The following SPOCK3 variants were observed in gnomAD, a reference collection of about 807,000 sequenced individuals.
The protein encoded by SPOCK3 is SPARC (osteonectin), cwcv and kazal like domains proteoglycan 3.
A neutral mutation model predicts 56.6 loss-of-function variants in SPOCK3; 30 were observed. The observed-to-expected ratio is 0.53, with a 90% CI of 0.40 to 0.72. The LOEUF is 0.72. Ranked by LOEUF, SPOCK3 falls within the 30% of genes least tolerant of loss-of-function variation. The pLI, the probability that SPOCK3 is intolerant of heterozygous loss-of-function variation, is 0.00. For missense variants in SPOCK3, 527 were observed against 530.0 expected, an observed-to-expected ratio of 0.99 and a Z score of 0.06; for synonymous variants, 196 against 183.3, an observed-to-expected ratio of 1.07 and a Z score of -0.56.
intron 3 of SPOCK3, among the ~76,000 whole-genome samples, chr4:167,002,775 GA>G (rs1176453536): frequency 5.3e-5 from 8 of 151,948 alleles, no homozygotes; most frequent in Admixed American, 3.9e-4. Flanking sequence ...CAACATAAAA[GA>G]AAAAAACACA....
At chr4:166,748,043 G>A (rs1418378398) in intron 8 of SPOCK3, among the ~76,000 whole-genome samples, 1 of 152,114 alleles carries the variant, frequency 6.6e-6, no homozygotes, top group Non-Finnish European at 1.5e-5. Context: ...TCAATACCAT[G>A]AAAATGGCCT....
chr4:166,920,848 T>A (rs1207136181), intron 4 of SPOCK3, among the ~76,000 whole-genome samples: 1 of 152,176 alleles, frequency 6.6e-6, no homozygotes, highest in Non-Finnish European at 1.5e-5. Context: ...CAGAAGCCAA[T>A]GATTTTAGCT....
In SPOCK3 at chr4:166,912,748, T is replaced by A; in HGVS notation, c.351-5A>T. ...TCTACTCCTGCTTCTTTCATCCTGTTAAAAAAATAAAGCAAGCATATTGAG... is the reference window on the plus strand; with the variant it reads ...TCTACTCCTGCTTCTTTCATCCTGTAAAAAAAATAAAGCAAGCATATTGAG... On this transcript the variant is annotated splice_polypyrimidine_tract_variant and splice_region_variant and intron_variant, in intron 4 of 10. Transcript: ENST00000357545. 8.8e-6 allele frequency: 14 copies of A among 1,589,572 alleles called. No individual in the cohort carries two copies. The highest frequency in any genetic ancestry group is 1.1e-5 in the Non-Finnish European group (13 of 1,172,448).
intron 6 of SPOCK3, among the ~76,000 whole-genome samples, chr4:166,853,961 C>G (rs944348259): frequency 6.6e-6 from 1 of 151,844 alleles, no homozygotes. Flanking sequence ...AAACAAAGCA[C>G]CATTTTCTAC....
intron 4 of SPOCK3, among the ~76,000 whole-genome samples, chr4:166,915,327 A>C (rs1737728582): frequency 6.6e-6 from 1 of 151,578 alleles, no homozygotes; most frequent in African/African-American, 2.4e-5. Flanking sequence ...AAAATAATTA[A>C]AAAAAAATGT....
intron 4 of SPOCK3, among the ~76,000 whole-genome samples, chr4:166,991,189 A>G (rs1747742322): frequency 6.6e-6 from 1 of 151,904 alleles, no homozygotes; most frequent in African/African-American, 2.4e-5. Flanking sequence ...TTAATTCACC[A>G]CTATTTTTTA....
chr4:167,090,289 T>C (rs1415132372), intron 2 of SPOCK3, among the ~76,000 whole-genome samples: 29 of 152,068 alleles, frequency 1.9e-4, no homozygotes, highest in Admixed American at 1.9e-3. Flanking sequence ...CACTTGGCAT[T>C]GTCTTTTTTT....
At chr4:166,882,275 C>A (rs185888730) in intron 6 of SPOCK3, among the ~76,000 whole-genome samples, 1 of 152,266 alleles carries the variant, frequency 6.6e-6, no homozygotes, top group East Asian at 1.9e-4. Context: ...TTCATCTTAA[C>A]ATACAGATCT....
chr4:167,217,360 T>C (rs1054671497), intron 2 of SPOCK3, among the ~76,000 whole-genome samples: 3 of 151,674 alleles, frequency 2.0e-5, no homozygotes, highest in African/African-American at 7.3e-5. Flanking sequence ...CAGATGTTTT[T>C]TTTTGTTGTT....
At chr4:167,040,336 G>A (rs1753136904) in intron 3 of SPOCK3, among the ~76,000 whole-genome samples, 3 of 152,212 alleles carry the variant, frequency 2.0e-5, no homozygotes, top group African/African-American at 4.8e-5. Flanking sequence ...GGTCCTGGAT[G>A]TACCACTTAA....
rs58965213 is a variant in SPOCK3 at position 166,787,029 on chromosome 4, T to G, written c.709+5141A>C. On this transcript the variant is annotated intron_variant, in intron 7 of 10. Transcript: ENST00000357545. Reference sequence around the variant, plus strand: ...AGATGCACCTCTTGAAGTCATTCATTAACTTTCCACTTGTATGCTAGTCTT... The same window carrying G: ...AGATGCACCTCTTGAAGTCATTCATGAACTTTCCACTTGTATGCTAGTCTT... 5.1e-3 allele frequency among the ~76,000 whole-genome samples: 778 copies of G among 152,308 alleles called. 10 individuals are homozygous for G. The highest frequency in any genetic ancestry group is 0.018 in the African/African-American group (753 of 41,580).
intron 6 of SPOCK3, among the ~76,000 whole-genome samples, chr4:166,883,698 T>A (rs1579529784): frequency 6.6e-6 from 1 of 152,160 alleles, no homozygotes; most frequent in South Asian, 2.1e-4. Context: ...AGGGCCAAGG[T>A]TTGAAACAAA....
chr4:167,016,737 T>C (rs1687953778), intron 3 of SPOCK3, among the ~76,000 whole-genome samples: 2 of 152,026 alleles, frequency 1.3e-5, no homozygotes, highest in Admixed American at 6.6e-5. Flanking sequence ...AGATAGGGTT[T>C]CACCATATTG....
intron 4 of SPOCK3, among the ~76,000 whole-genome samples, chr4:166,997,308 G>A (rs752921856): frequency 3.3e-5 from 5 of 151,928 alleles, no homozygotes; most frequent in African/African-American, 7.3e-5. Flanking sequence ...ATGTATCCCG[G>A]AACTTAAAAT....
chr4:167,096,266 T>C (rs1224570722), intron 2 of SPOCK3, among the ~76,000 whole-genome samples: 3 of 151,890 alleles, frequency 2.0e-5, no homozygotes, highest in Non-Finnish European at 4.4e-5. Context: ...AAGCAGTTGT[T>C]ATTTTTTTCT....
chr4:167,134,269 G>A (rs922185623), intron 2 of SPOCK3, among the ~76,000 whole-genome samples: 4 of 151,762 alleles, frequency 2.6e-5, no homozygotes, highest in South Asian at 2.1e-4. Flanking sequence ...CTGACTACAG[G>A]CGATCTGCCT....
rs1350136865 is a variant in SPOCK3, at chr4:167,205,570, TATATA to T, written c.189+28410_189+28414del. 5.3e-4 allele frequency among the ~76,000 whole-genome samples: 47 copies of T among 87,902 alleles called. 1 individual carries two copies. Among genetic ancestry groups the T allele is most frequent in the African/African-American group, 1.9e-3 (42 of 22,172 alleles). The allele number at this position is 87,902 out of a possible 152,430, so 57.7% of individuals were successfully genotyped here. On this transcript the variant is annotated intron_variant, in intron 2 of 10. Transcript: ENST00000357545. ...TATATAATATATAATATATATTATA[TATATA>T]ATATAATATAAAATATATTTTCTAT...
intron 6 of SPOCK3, among the ~76,000 whole-genome samples, chr4:166,878,768 G>T (rs1320652787): frequency 6.6e-6 from 1 of 152,118 alleles, no homozygotes; most frequent in Non-Finnish European, 1.5e-5. Flanking sequence ...TTAGGAGGCA[G>T]CAATCATCGC....
chr4:166,825,142 C>T (rs889904491), intron 6 of SPOCK3, among the ~76,000 whole-genome samples: 2 of 151,910 alleles, frequency 1.3e-5, no homozygotes, highest in African/African-American at 2.4e-5. Flanking sequence ...TATTATGTGA[C>T]AAATAAGGTA....
Sources: gnomAD v4.1 joint callset for allele counts (sites outside exome capture counted in the v4.1 genomes callset) on GRCh38, gnomAD v4.1.1 for gene constraint, MANE v1.5 for transcripts, NCBI Gene and HGNC (gene_info 2026-07-23, HGNC 2026-07-21) for gene names.